The following PPP1R12A variants were observed in gnomAD, a reference collection of about 807,000 sequenced individuals.
PPP1R12A encodes the protein protein phosphatase 1 regulatory subunit 12A.
Under a neutral mutation model 139.6 loss-of-function variants are expected in PPP1R12A, and 19 were observed. The observed-to-expected ratio is 0.14, with a 90% CI of 0.09 to 0.20. PPP1R12A has a LOEUF of 0.20. Among genes scored for constraint, PPP1R12A ranks in the 10% least tolerant of loss-of-function variants. The probability of loss-of-function intolerance (pLI) is 1.00; values close to 1 mark genes in which losing one functional copy is unlikely to be tolerated. For missense variants in PPP1R12A, 925 were observed against 1,211.5 expected (o/e 0.76, Z 3.51); for synonymous variants, 427 against 420.6 (o/e 1.02, Z -0.19).
At chr12:79,846,831 C>T (rs1417315727) in intron 2 of PPP1R12A, among the ~76,000 whole-genome samples, 1 of 152,016 alleles carries the variant, frequency 6.6e-6, no homozygotes, top group East Asian at 1.9e-4. Context: ...TCTTCTTTTT[C>T]AGCCTCCTCC....
intron 1 of PPP1R12A, among the ~76,000 whole-genome samples, chr12:79,933,562 T>A (rs1459957358): frequency 6.6e-6 from 1 of 152,230 alleles, no homozygotes; most frequent in Non-Finnish European, 1.5e-5. Flanking sequence ...GGGGAAGCTA[T>A]CGCTGCAAAG....
chr12:79,779,894 A>C (rs960156152), intron 23 of PPP1R12A: 4 of 156,012 alleles, frequency 2.6e-5, no homozygotes, highest in Non-Finnish European at 5.7e-5. Flanking sequence ...TATGTTTGAC[A>C]AACATATTAA....
At chr12:79,832,040 T>C (rs1446906006) in intron 4 of PPP1R12A, among the ~76,000 whole-genome samples, 2 of 152,182 alleles carry the variant, frequency 1.3e-5, no homozygotes, top group Non-Finnish European at 2.9e-5. Context: ...AAAATGACTC[T>C]CTGTAGTGAT....
intron 1 of PPP1R12A, among the ~76,000 whole-genome samples, chr12:79,925,228 T>G (rs1887742327): frequency 6.6e-6 from 1 of 152,150 alleles, no homozygotes; most frequent in African/African-American, 2.4e-5. Flanking sequence ...TTTGGGATGT[T>G]TATTACAAGT....
chr12:79,816,628 G>A (rs141905927), intron 9 of PPP1R12A, among the ~76,000 whole-genome samples: 2,945 of 152,156 alleles, frequency 0.019, 58 homozygotes, highest in Non-Finnish European at 0.027. Context: ...ACACTGCTTC[G>A]GTGGAGAGAA....
intron 8 of PPP1R12A, among the ~76,000 whole-genome samples, 159 bp downstream of exon 8, chr12:79,820,615 A>T (rs1218919405): frequency 6.6e-6 from 1 of 152,184 alleles, no homozygotes; most frequent in Admixed American, 6.5e-5. Context: ...TCACAACTAT[A>T]TGTAAGTTTC....
chr12:79,891,945 C>A (rs1469730629), intron 1 of PPP1R12A, among the ~76,000 whole-genome samples: 1 of 152,188 alleles, frequency 6.6e-6, no homozygotes, highest in Non-Finnish European at 1.5e-5. Context: ...AGGAAAATAT[C>A]ATGAGAAACC....
At chr12:79,815,676 C>T (rs960866803) in intron 9 of PPP1R12A, among the ~76,000 whole-genome samples, 1 of 152,060 alleles carries the variant, frequency 6.6e-6, no homozygotes, top group Non-Finnish European at 1.5e-5. Flanking sequence ...GTAAAATAAA[C>T]TTTAATTAAA....
chr12:79,886,671 T>C (rs1401375084), intron 1 of PPP1R12A, among the ~76,000 whole-genome samples: 1 of 151,758 alleles, frequency 6.6e-6, no homozygotes, highest in Non-Finnish European at 1.5e-5. Flanking sequence ...ACATAGCAAA[T>C]ACAGGATATA....
At chr12:79,806,074 A>G in intron 13 of PPP1R12A, 92 bp downstream of exon 13, 1 of 1,428,994 alleles carries the variant, frequency 7.0e-7, no homozygotes, top group Non-Finnish European at 9.4e-7. Context: ...GATAAATGAA[A>G]AAATCCAGAG....
intron 20 of PPP1R12A, among the ~76,000 whole-genome samples, chr12:79,789,201 G>A (rs1437519226): frequency 6.6e-6 from 1 of 151,928 alleles, no homozygotes; most frequent in East Asian, 1.9e-4. Context: ...CAAAGTGCTG[G>A]GAGACTACAG....
intron 22 of PPP1R12A, among the ~76,000 whole-genome samples, chr12:79,783,419 G>T (rs1339385184): frequency 4.0e-5 from 6 of 151,852 alleles, no homozygotes; most frequent in African/African-American, 1.5e-4. Flanking sequence ...AGTGAGCCCT[G>T]ACTGTACCAC....
chr12:79,796,701 T>C, intron 17 of PPP1R12A, 81 bp downstream of exon 17: 1 of 1,162,972 alleles, frequency 8.6e-7, no homozygotes, highest in Non-Finnish European at 1.2e-6. Context: ...GTTCCTTTAC[T>C]GTTGAATTAT....
intron 9 of PPP1R12A, among the ~76,000 whole-genome samples, chr12:79,811,420 G>A (rs1449165448): frequency 6.6e-6 from 1 of 152,206 alleles, no homozygotes; most frequent in Admixed American, 6.5e-5. Context: ...GAGAAGCACA[G>A]TGACATCTCA....
chr12:79,935,360 G>A, upstream of PPP1R12A: 4 of 1,002,628 alleles, frequency 4.0e-6, no homozygotes, highest in South Asian at 1.3e-4. Context: ...GACCTGGAAA[G>A]GAGGAAGCGG....
chr12:79,791,803 C>T (rs1871908160), intron 19 of PPP1R12A, among the ~76,000 whole-genome samples: 1 of 152,108 alleles, frequency 6.6e-6, no homozygotes, highest in Non-Finnish European at 1.5e-5. Context: ...ATCCAATGAA[C>T]AACTTCCTTT....
chr12:79,910,238 A>G (rs1443474126), intron 1 of PPP1R12A, among the ~76,000 whole-genome samples: 2 of 151,732 alleles, frequency 1.3e-5, no homozygotes, highest in Non-Finnish European at 2.9e-5. Flanking sequence ...CCAGCACTTT[A>G]GGAGGATGAG....
At chr12:79,873,322 T>C (rs1882760158) in intron 1 of PPP1R12A, among the ~76,000 whole-genome samples, 1 of 152,006 alleles carries the variant, frequency 6.6e-6, no homozygotes, top group South Asian at 2.1e-4. Flanking sequence ...CAAAACTGTT[T>C]TCAAGAAAAA....
At chr12:79,785,088 CA>C (rs1209790712) in intron 22 of PPP1R12A, among the ~76,000 whole-genome samples, 1 of 152,178 alleles carries the variant, frequency 6.6e-6, no homozygotes, top group Non-Finnish European at 1.5e-5. Flanking sequence ...TAAAAAACAG[CA>C]ACATCAGTTT....
Sources: allele counts gnomAD v4.1 joint callset (sites outside exome capture counted in the v4.1 genomes callset), GRCh38; gene constraint gnomAD v4.1.1; transcripts MANE v1.5; gene names NCBI Gene and HGNC (gene_info 2026-07-23, HGNC 2026-07-21).